NIN: variants seen among roughly 807,000 people sequenced by gnomAD.
NIN encodes the protein glycogen synthase kinase 3 beta-interacting protein.
A neutral mutation model predicts 257.6 loss-of-function variants in NIN; 137 were observed. The observed-to-expected ratio is 0.53, with a 90% CI of 0.46 to 0.61. The LOEUF (loss-of-function observed/expected upper bound fraction) is 0.61, where lower values mean the gene tolerates loss of function less well. Ranked by LOEUF, NIN falls within the 20% of genes least tolerant of loss-of-function variation. The pLI is 0.00. For synonymous variants in NIN, 918 were observed against 919.8 expected (o/e 1.00, Z 0.04); for missense variants, 2,439 against 2,501.2 (o/e 0.98, Z 0.53).
chr14:50,778,096 G>C (rs780979926), intron 6 of NIN, among the ~76,000 whole-genome samples: 1 of 152,246 alleles, frequency 6.6e-6, no homozygotes, highest in Non-Finnish European at 1.5e-5. Flanking sequence ...CTGGTGGCCA[G>C]AGGATCAACG....
chr14:50,740,497 C>T (rs1243580120), intron 25 of NIN, among the ~76,000 whole-genome samples: 1 of 152,040 alleles, frequency 6.6e-6, no homozygotes, highest in African/African-American at 2.4e-5. Flanking sequence ...TACAGGCACT[C>T]GCCACCATGC....
chr14:50,825,931 C>T (rs1460462611), intron 2 of NIN, among the ~76,000 whole-genome samples: 3 of 152,194 alleles, frequency 2.0e-5, no homozygotes, highest in Non-Finnish European at 4.4e-5. Context: ...ATAGAATACA[C>T]ATTCCCTTTT....
At chr14:50,770,343 T>C in intron 12 of NIN, 45 bp downstream of exon 12, 1 of 1,577,396 alleles carries the variant, frequency 6.3e-7, no homozygotes, top group Non-Finnish European at 8.7e-7. Context: ...TTCCACGTGG[T>C]GTTCCCGGCA....
chr14:50,726,312 T>C (rs2040411215), intron 29 of NIN: 1 of 416,752 alleles, frequency 2.4e-6, no homozygotes, highest in Non-Finnish European at 4.3e-6. Flanking sequence ...ATCATCCCCC[T>C]GATATAAAGC....
At chr14:50,744,456 T>C in intron 22 of NIN, 91 bp from the exon 23 acceptor site, 1 of 1,350,410 alleles carries the variant, frequency 7.4e-7, no homozygotes, top group Non-Finnish European at 1.0e-6. Context: ...TCACAGCTGC[T>C]GCTATTTGCC....
intron 9 of NIN, 94 bp from the exon 10 acceptor site, chr14:50,771,562 TG>T: frequency 7.4e-7 from 1 of 1,349,676 alleles, no homozygotes; most frequent in East Asian, 2.4e-5. Flanking sequence ...CTCTGAGAGC[TG>T]ACAATGATCT....
chr14:50,782,165 C>A (rs927013243), intron 5 of NIN, among the ~76,000 whole-genome samples: 1 of 151,978 alleles, frequency 6.6e-6, no homozygotes, highest in Non-Finnish European at 1.5e-5. Context: ...AAAATAGGCC[C>A]GTTTATATGT....
chr14:50,756,312 GCC>G (rs748836139), intron 18 of NIN, among the ~76,000 whole-genome samples, 178 bp downstream of exon 18: 2 of 152,182 alleles, frequency 1.3e-5, no homozygotes, highest in Non-Finnish European at 2.9e-5. Flanking sequence ...GGAAGGGAAT[GCC>G]TCCTAAACAA....
intron 3 of NIN, among the ~76,000 whole-genome samples, chr14:50,807,531 A>G (rs542030612): frequency 1.3e-5 from 2 of 152,354 alleles, no homozygotes; most frequent in South Asian, 2.1e-4. Flanking sequence ...TCTATAACTT[A>G]GATGTATGTA....
In NIN at chr14:50,760,144, C is replaced by A. The variant is rs768091006; in HGVS notation, c.2112G>T (p.Leu704=). 4.5e-5 allele frequency: 72 copies of A among 1,614,094 alleles called. No individual in the cohort carries two copies. The highest frequency in any genetic ancestry group is 6.0e-5 in the Non-Finnish European group (71 of 1,180,050). ...TCTTTTCCTCCTCAAGCTTCACTTG[C>A]AGTTGTTTTTTCTCCTCCTCATGCC... ...TCRHEEEKKQ[L]QVKLEEEKTH... Residue 704 remains leucine (L), a synonymous_variant, in exon 17 of 31, where the codon CTG becomes CTT. Coordinates refer to ENST00000530997, the MANE Select transcript of NIN (RefSeq NM_020921.4).
At chr14:50,778,356 A>C (rs2042999481) in intron 6 of NIN, among the ~76,000 whole-genome samples, 1 of 151,858 alleles carries the variant, frequency 6.6e-6, no homozygotes, top group African/African-American at 2.4e-5. Context: ...TTTAGTAGAG[A>C]CGGGGTATGC....
rs2044347987 is a variant in NIN, at chr14:50,806,780, G to T, written c.222C>A (p.Ile74=). The change falls in exon 4 of 31, where the codon ATC becomes ATA. Residue 74 remains isoleucine (I), a synonymous_variant. Transcript: ENST00000530997. ...FDQFKEALIL[I]LSRTLSNEEH... is the part of the protein sequence containing the mutation. ...CTTCATTTGACAGAGTTCTGGACAA[G>T]ATGAGTATTAATGCTTCTTTAAATT... The T allele has an allele frequency of 1.3e-6, 2 of 1,585,084 alleles. No individual in the cohort carries two copies. Among genetic ancestry groups the T allele is most frequent in the Non-Finnish European group, 1.7e-6 (2 of 1,155,162 alleles).
chr14:50,739,600 T>C (rs1020018503), intron 25 of NIN, 113 bp from the exon 26 acceptor site: 1 of 842,380 alleles, frequency 1.2e-6, no homozygotes, highest in Non-Finnish European at 1.9e-6. Context: ...TACCTTTCAA[T>C]TGTCCCCTCA....
intron 2 of NIN, among the ~76,000 whole-genome samples, chr14:50,827,591 CAAAAA>C (rs11351454): frequency 2.2e-5 from 3 of 137,080 alleles, no homozygotes; most frequent in Non-Finnish European, 3.1e-5. Context: ...ACTAAAAATA[CAAAAA>C]AAAAAAAAAA....
chr14:50,780,247 G>A (rs572502231), intron 5 of NIN, among the ~76,000 whole-genome samples: 1 of 152,332 alleles, frequency 6.6e-6, no homozygotes, highest in Non-Finnish European at 1.5e-5. Flanking sequence ...TGTTAGAAAA[G>A]GTGAATCGCC....
chr14:50,739,285 T>C (rs2041154988), intron 26 of NIN, 23 bp downstream of exon 26: 3 of 1,610,036 alleles, frequency 1.9e-6, no homozygotes, highest in East Asian at 2.2e-5. Flanking sequence ...ACATATGCCA[T>C]GATGTGCAGC....
chr14:50,820,874 G>A lies in NIN; in HGVS notation c.183+1000C>T, dbSNP rs576355952. 1.4e-4 allele frequency among the ~76,000 whole-genome samples: 22 copies of A among 152,282 alleles called. No individual in the cohort carries two copies. The South Asian group carries it at 3.7e-3, about 26-fold the overall frequency. On this transcript the variant is annotated intron_variant, in intron 3 of 30. Coordinates refer to ENST00000530997, the MANE Select transcript of NIN (RefSeq NM_020921.4). ...CTACTCCTGTCTGTCTCAGGTTACA[G>A]AAAGCCAATACATGGTACTATATCT...
chr14:50,789,358 A>C (rs1225526820), intron 5 of NIN, among the ~76,000 whole-genome samples: 2 of 99,398 alleles, frequency 2.0e-5, no homozygotes, highest in African/African-American at 7.1e-5. Context: ...GTGGATCATG[A>C]GGTCAGGAAT....
chr14:50,742,392 C>CTT (rs796578867), intron 24 of NIN: 160 of 138,352 alleles, frequency 1.2e-3, no homozygotes, highest in African/African-American at 2.2e-3. Context: ...GAAACCTCAC[C>CTT]TTTTTTTTTT....
Sources: gnomAD v4.1 joint callset for allele counts (sites outside exome capture counted in the v4.1 genomes callset) on GRCh38, gnomAD v4.1.1 for gene constraint, MANE v1.5 for transcripts, NCBI Gene and HGNC (gene_info 2026-07-23, HGNC 2026-07-21) for gene names.